The following S100A5 variants were observed in gnomAD, a reference collection of about 807,000 sequenced individuals.
S100A5 encodes the protein S100 calcium binding protein A5.
S100A5 carries 5 observed loss-of-function variants against 6.7 expected under a neutral mutation model. The ratio of observed to expected loss-of-function variants is 0.75; its 90% CI spans 0.39 to 1.57. The LOEUF is 1.57. Ranked by LOEUF, S100A5 falls within the 40% of genes most tolerant of loss-of-function variation. S100A5 has a pLI of 0.03. For synonymous variants in S100A5, 49 were observed against 44.9 expected, an observed-to-expected ratio of 1.09 and a Z score of -0.37; for missense variants, 129 against 110.8, an observed-to-expected ratio of 1.16 and a Z score of -0.74.
intron 2 of S100A5, among the ~76,000 whole-genome samples, chr1:153,539,438 AAAAAAAAAAAAAAT>A (rs1325025419): frequency 1.5e-4 from 17 of 110,496 alleles, no homozygotes; most frequent in African/African-American, 7.4e-4. Context: ...AAAAAAAAAA[AAAAAAAAAAAAAAT>A]ATATATATAT....
chr1:153,539,749 G>T (rs1415982583), intron 2 of S100A5, among the ~76,000 whole-genome samples: 1 of 151,920 alleles, frequency 6.6e-6, no homozygotes, highest in African/African-American at 2.4e-5. Context: ...CACCACCCAT[G>T]ACCCCTAGCA....
chr1:153,541,764 G>T, upstream of S100A5: 1 of 1,098,082 alleles, frequency 9.1e-7, no homozygotes, highest in Non-Finnish European at 1.1e-6. Flanking sequence ...AGAAGTGTGG[G>T]ACAAACACAG....
chr1:153,539,798 C>T (rs1557889358), intron 2 of S100A5, among the ~76,000 whole-genome samples: 2 of 152,082 alleles, frequency 1.3e-5, no homozygotes, highest in African/African-American at 2.4e-5. Context: ...GCCCCACCAT[C>T]GAAGGCTCCT....
At chr1:153,543,339 A>G, upstream of S100A5, 1 of 971,518 alleles carries the variant, frequency 1.0e-6, no homozygotes, top group Non-Finnish European at 1.2e-6. Context: ...AAGGTTGGAG[A>G]GAGGTGGGAG....
intron 2 of S100A5, among the ~76,000 whole-genome samples, chr1:153,537,725 A>C (rs1003199194): frequency 2.0e-5 from 3 of 152,166 alleles, no homozygotes; most frequent in Non-Finnish European, 4.4e-5. Flanking sequence ...AGAAACAATC[A>C]TCTAGGTTTT....
upstream of S100A5, chr1:153,543,569 T>A: frequency 1.6e-6 from 1 of 625,368 alleles, no homozygotes; most frequent in Middle Eastern, 4.7e-4. Context: ...CCCCACAACA[T>A]ATCCCTCAGT....
chr1:153,542,813 T>C (rs556435227), upstream of S100A5, among the ~76,000 whole-genome samples: 1 of 152,242 alleles, frequency 6.6e-6, no homozygotes, highest in East Asian at 1.9e-4. Flanking sequence ...TGTCAGATCA[T>C]ATATGTGGAA....
At chr1:153,540,248 C>G in intron 1 of S100A5, 43 bp from the exon 2 acceptor site, 2 of 1,604,242 alleles carry the variant, frequency 1.2e-6, no homozygotes, top group Non-Finnish European at 1.7e-6. Flanking sequence ...AGGAAGTCAC[C>G]ACCAGCAGCA....
At chr1:153,543,203 C>T, upstream of S100A5, 1 of 985,258 alleles carries the variant, frequency 1.0e-6, no homozygotes, top group Non-Finnish European at 1.2e-6. Flanking sequence ...ATACTTCCTC[C>T]CTGCAACTCA....
chr1:153,542,392 C>T (rs891090130), upstream of S100A5, among the ~76,000 whole-genome samples: 2 of 152,156 alleles, frequency 1.3e-5, no homozygotes, highest in Admixed American at 6.5e-5. Context: ...TGAAGGAGAG[C>T]GTGACCTGGG....
Position 153,538,525 on chromosome 1 carries a change from C to T in S100A5, c.139-1089G>A, listed in dbSNP as rs374299101. ...CCTTCTGTAATTAATCCCTGCTGGACCTGTGGCCCCTCCCTCTGCCCTCAT... is the reference window on the plus strand; with the variant it reads ...CCTTCTGTAATTAATCCCTGCTGGATCTGTGGCCCCTCCCTCTGCCCTCAT... On this transcript the variant is annotated intron_variant, in intron 2 of 2. Coordinates refer to ENST00000368717, the MANE Select transcript of S100A5 (RefSeq NM_001394232.1). Among the ~76,000 whole-genome samples the T allele has an allele frequency of 2.6e-4, 39 of 152,086 alleles. No individual in the cohort carries two copies. In the South Asian group the frequency reaches 7.9e-3, roughly 31 times the overall value.
upstream of S100A5, chr1:153,541,546 G>A (rs538899944): frequency 3.2e-5 from 41 of 1,298,144 alleles, no homozygotes; most frequent in Admixed American, 7.0e-5. Context: ...AGAGCCTCCC[G>A]GGATGGAGCT....
chr1:153,540,894 T>C lies in S100A5; in HGVS notation c.-288A>G, dbSNP rs959977862. Among the ~76,000 whole-genome samples, 1 of 151,994 alleles carries C rather than the reference T, an allele frequency of 6.6e-6. No individual in the cohort carries two copies. Among genetic ancestry groups the C allele is most frequent in the Non-Finnish European group, 1.5e-5 (1 of 68,012 alleles). On this transcript the variant is annotated 5_prime_UTR_variant, in exon 1 of 3. Transcript: ENST00000368717. ...GCTACGCTTGAATAAGGGCCTGGAT[T>C]CCAATAGCACAGCCACCCTCAGCCA... is the stretch of plus-strand genomic sequence containing the variant.
At chr1:153,538,695 A>G (rs1036491628) in intron 2 of S100A5, among the ~76,000 whole-genome samples, 5 of 152,200 alleles carry the variant, frequency 3.3e-5, no homozygotes, top group Non-Finnish European at 7.3e-5. Flanking sequence ...TGATAGATGG[A>G]GAGGCACCCA....
chr1:153,539,424 C>CAAAA (rs149327889), intron 2 of S100A5, among the ~76,000 whole-genome samples: 1 of 35,138 alleles, frequency 2.8e-5, no homozygotes, highest in Non-Finnish European at 4.5e-5. Flanking sequence ...GAGACTCTCT[C>CAAAA]AAAAAAAAAA....
At chr1:153,537,542 G>C in intron 2 of S100A5, 106 bp from the exon 3 acceptor site, 1 of 1,402,014 alleles carries the variant, frequency 7.1e-7, no homozygotes, top group Non-Finnish European at 9.9e-7. Context: ...GTGAGCCCCA[G>C]CTGAGTCAAT....
chr1:153,537,368 G>A lies in S100A5; in HGVS notation c.207C>T (p.Phe69=), dbSNP rs745547018. 3.7e-6 allele frequency: 6 copies of A among 1,614,072 alleles called. No individual in the cohort carries two copies. In the African/African-American group the frequency reaches 5.3e-5, roughly 14 times the overall value. Residue 69 remains phenylalanine (F), a synonymous_variant, in exon 3 of 3, where the codon TTC becomes TTT. Coordinates refer to ENST00000368717, the MANE Select transcript of S100A5 (RefSeq NM_001394232.1). ...LDKNSDQEID[F]KEYSVFLTML... The stretch of plus-strand genomic sequence containing the variant: ...TGGTCAGGAACACCGAGTACTCCTT[G>A]AAGTCGATCTCCTGGTCGCTGTTCT...
chr1:153,541,967 G>A (rs576447558), upstream of S100A5: 35 of 881,372 alleles, frequency 4.0e-5, no homozygotes, highest in Non-Finnish European at 4.5e-5. Flanking sequence ...TTAAATGAAC[G>A]ATTTCTTCTA....
intron 2 of S100A5, among the ~76,000 whole-genome samples, chr1:153,538,257 C>T (rs1665251593): frequency 1.3e-5 from 2 of 152,198 alleles, no homozygotes; most frequent in South Asian, 4.1e-4. Flanking sequence ...TGGTTGTGCA[C>T]TGTTGTTCAG....
Sources: allele counts gnomAD v4.1 joint callset (sites outside exome capture counted in the v4.1 genomes callset), GRCh38; gene constraint gnomAD v4.1.1; transcripts MANE v1.5; gene names NCBI Gene and HGNC (gene_info 2026-07-23, HGNC 2026-07-21).